GALNTL6: variants seen among roughly 807,000 people sequenced by gnomAD.
The protein encoded by GALNTL6 is polypeptide N-acetylgalactosaminyltransferase like 6.
A neutral mutation model predicts 73.7 loss-of-function variants in GALNTL6; 46 were observed. The observed-to-expected ratio is 0.62, with a 90% CI of 0.49 to 0.80. The LOEUF is 0.80. Among genes scored for constraint, GALNTL6 ranks in the 30% least tolerant of loss-of-function variants. The pLI is 0.00. For missense variants in GALNTL6, 604 were observed against 755.0 expected (o/e 0.80, Z 2.34); for synonymous variants, 259 against 263.7 (o/e 0.98, Z 0.17).
chr4:172,472,594 G>A (rs1326455327), intron 5 of GALNTL6, among the ~76,000 whole-genome samples: 1 of 152,098 alleles, frequency 6.6e-6, no homozygotes, highest in Admixed American at 6.5e-5. Context: ...AGGTCATACT[G>A]GAGTAGATAT....
intron 5 of GALNTL6, among the ~76,000 whole-genome samples, chr4:172,366,539 A>G (rs969194758): frequency 1.3e-5 from 2 of 152,146 alleles, no homozygotes; most frequent in Admixed American, 1.3e-4. Context: ...GACTTATGAA[A>G]GGTCTCCTCA....
chr4:172,433,186 C>CT (rs1290317230), intron 5 of GALNTL6, among the ~76,000 whole-genome samples: 1 of 152,066 alleles, frequency 6.6e-6, no homozygotes, highest in Admixed American at 6.6e-5. Context: ...TCAAGAATGG[C>CT]TTTTCTAGAC....
chr4:172,125,993 CTA>C (rs912587724), intron 2 of GALNTL6, among the ~76,000 whole-genome samples: 5 of 152,022 alleles, frequency 3.3e-5, no homozygotes, highest in Admixed American at 6.6e-5. Context: ...GGGTCACTTT[CTA>C]TACAGTATTA....
intron 2 of GALNTL6, among the ~76,000 whole-genome samples, chr4:172,037,816 C>T (rs147708564): frequency 0.012 from 1,873 of 152,146 alleles, 36 homozygotes; most frequent in African/African-American, 0.042. Context: ...AATAACTTAA[C>T]TTTAAAAAAA....
At chr4:172,239,033 G>A (rs1456250004) in intron 3 of GALNTL6, among the ~76,000 whole-genome samples, 1 of 152,102 alleles carries the variant, frequency 6.6e-6, no homozygotes, top group Non-Finnish European at 1.5e-5. Flanking sequence ...TTGCATCTAT[G>A]TTCATCAAAG....
intron 5 of GALNTL6, among the ~76,000 whole-genome samples, chr4:172,418,384 C>G (rs1034918098): frequency 1.3e-5 from 2 of 152,098 alleles, no homozygotes; most frequent in South Asian, 4.1e-4. Flanking sequence ...CAGACATAAC[C>G]CAGCAGGGCC....
At chr4:172,037,628 C>G (rs1741967447) in intron 2 of GALNTL6, among the ~76,000 whole-genome samples, 1 of 152,128 alleles carries the variant, frequency 6.6e-6, no homozygotes, top group Non-Finnish European at 1.5e-5. Context: ...AGTCCCAACT[C>G]TTGTAGTTAT....
chr4:172,489,455 T>C (rs1243930987), intron 5 of GALNTL6, among the ~76,000 whole-genome samples: 2 of 152,248 alleles, frequency 1.3e-5, no homozygotes, highest in African/African-American at 4.8e-5. Flanking sequence ...ATATTCTACA[T>C]ATAATAAACA....
At chr4:171,977,735 C>G (rs944918028) in intron 2 of GALNTL6, among the ~76,000 whole-genome samples, 2 of 152,160 alleles carry the variant, frequency 1.3e-5, no homozygotes, top group Non-Finnish European at 2.9e-5. Flanking sequence ...AAGTCATATT[C>G]AATGCATCTG....
intron 2 of GALNTL6, among the ~76,000 whole-genome samples, chr4:171,985,699 G>A (rs1259743962): frequency 2.0e-5 from 3 of 151,458 alleles, no homozygotes; most frequent in Non-Finnish European, 4.4e-5. Context: ...AAAAATTAGG[G>A]CTGTCACTGA....
At chr4:172,658,421 C>A (rs1176412283) in intron 5 of GALNTL6, among the ~76,000 whole-genome samples, 4 of 146,930 alleles carry the variant, frequency 2.7e-5, no homozygotes, top group Non-Finnish European at 5.9e-5. Flanking sequence ...GAGCCGAGAT[C>A]GCACCACTGC....
chr4:172,408,218 ATC>A (rs1467432068), intron 5 of GALNTL6, among the ~76,000 whole-genome samples: 1 of 152,000 alleles, frequency 6.6e-6, no homozygotes, highest in Non-Finnish European at 1.5e-5. Context: ...TTAAAGCAAA[ATC>A]TCTATATACA....
intron 2 of GALNTL6, among the ~76,000 whole-genome samples, chr4:172,182,553 C>CAAAAAAAAAAAAAAA (rs34354883): frequency 7.8e-6 from 1 of 127,458 alleles, no homozygotes; most frequent in African/African-American, 2.9e-5. Flanking sequence ...TGAAAAATAC[C>CAAAAAAAAAAAAAAA]AAAAAAAAAA....
At chr4:172,899,787 T>C (rs1010299306) in intron 8 of GALNTL6, among the ~76,000 whole-genome samples, 3 of 152,224 alleles carry the variant, frequency 2.0e-5, no homozygotes, top group Non-Finnish European at 4.4e-5. Context: ...TATTTCTTGA[T>C]TGTTTGCTAA....
rs1734399921 is a variant in GALNTL6 at position 172,507,682 on chromosome 4, C to T, written c.553+158993C>T. ...GAGTCACTAAGTCACTTTCCATCAC[C>T]TACTTGCAATTTTATTTTTTAGTGT... On this transcript the variant is annotated intron_variant, in intron 5 of 12. Coordinates refer to ENST00000506823, the MANE Select transcript of GALNTL6 (RefSeq NM_001034845.3). Among the ~76,000 whole-genome samples, 2 of 54,704 alleles carry T rather than the reference C, an allele frequency of 3.7e-5. 1 individual carries two copies. Among genetic ancestry groups the T allele is most frequent in the Non-Finnish European group, 8.4e-5 (2 of 23,800 alleles). 35.9% of individuals were successfully genotyped at this position (54,704 alleles called of 152,430 possible).
chr4:172,896,451 C>T (rs760780294), intron 8 of GALNTL6, among the ~76,000 whole-genome samples: 38 of 152,172 alleles, frequency 2.5e-4, no homozygotes, highest in Non-Finnish European at 4.6e-4. Flanking sequence ...AAAGAAGATA[C>T]TTGTGTGGAA....
intron 2 of GALNTL6, among the ~76,000 whole-genome samples, chr4:171,856,302 A>G (rs1250946452): frequency 6.7e-6 from 1 of 149,056 alleles, no homozygotes; most frequent in Non-Finnish European, 1.5e-5. Context: ...TTAATTAGAG[A>G]CGGGGTTTTG....
At chr4:172,670,298 A>G (rs1025840970) in intron 5 of GALNTL6, among the ~76,000 whole-genome samples, 1 of 152,168 alleles carries the variant, frequency 6.6e-6, no homozygotes, top group Non-Finnish European at 1.5e-5. Context: ...TTTTCTCTGC[A>G]GCCTCACCAG....
chr4:172,274,167 A>G (rs913015034), intron 3 of GALNTL6, among the ~76,000 whole-genome samples: 1 of 152,204 alleles, frequency 6.6e-6, no homozygotes, highest in Non-Finnish European at 1.5e-5. Context: ...TCACAGTATC[A>G]TGCACTAAAA....
Sources: allele counts gnomAD v4.1 joint callset (sites outside exome capture counted in the v4.1 genomes callset), GRCh38; gene constraint gnomAD v4.1.1; transcripts MANE v1.5; gene names NCBI Gene and HGNC (gene_info 2026-07-23, HGNC 2026-07-21).